The following LINGO2 variants were observed in gnomAD, a reference collection of about 807,000 sequenced individuals.
The protein encoded by LINGO2 is leucine rich repeat and Ig domain containing 2.
A neutral mutation model predicts 30.6 loss-of-function variants in LINGO2; 14 were observed. The ratio of observed to expected loss-of-function variants is 0.46; its 90% CI spans 0.30 to 0.72. LINGO2 has a LOEUF of 0.72. Ranked by LOEUF, LINGO2 falls within the 30% of genes least tolerant of loss-of-function variation. The pLI is 0.07. For synonymous variants in LINGO2, 317 were observed against 288.5 expected, an observed-to-expected ratio of 1.10 and a Z score of -1.00; for missense variants, 729 against 751.7, an observed-to-expected ratio of 0.97 and a Z score of 0.35.
At chr9:28,728,634 G>A in the LINGO2 span, among the ~76,000 whole-genome samples, 1 of 151,914 alleles carries the variant, frequency 6.6e-6, no homozygotes, top group Admixed American at 6.6e-5. Flanking sequence ...AAAACATACT[G>A]CTAATATCGC....
intron 3 of LINGO2, among the ~76,000 whole-genome samples, chr9:28,312,404 T>G (rs998778120): frequency 8.6e-5 from 13 of 151,846 alleles, no homozygotes; most frequent in African/African-American, 1.5e-4. Context: ...AAGAAAATGA[T>G]TAGTGGAAAT....
At chr9:28,238,462 G>A (rs4373615) in intron 4 of LINGO2, among the ~76,000 whole-genome samples, 11,126 of 152,066 alleles carry the variant, frequency 0.073, 488 homozygotes, top group South Asian at 0.16. Flanking sequence ...TGACCACAGC[G>A]GAATAAAACT....
At chr9:28,740,302 T>C in the LINGO2 span, among the ~76,000 whole-genome samples, 2 of 151,958 alleles carry the variant, frequency 1.3e-5, no homozygotes, top group East Asian at 1.9e-4. Flanking sequence ...TGTCTACTTA[T>C]TGATTTTCTG....
At chr9:28,486,346 T>A (rs1456475497) in intron 1 of LINGO2, among the ~76,000 whole-genome samples, 1 of 152,160 alleles carries the variant, frequency 6.6e-6, no homozygotes, top group Non-Finnish European at 1.5e-5. Flanking sequence ...TGGCAATTTG[T>A]GTGTTGCAAA....
chr9:28,149,996 C>T (rs1318254486), intron 4 of LINGO2, among the ~76,000 whole-genome samples: 1 of 148,514 alleles, frequency 6.7e-6, no homozygotes, highest in Non-Finnish European at 1.5e-5. Flanking sequence ...TTGCCGCTGT[C>T]CTGTCTGCGA....
At chr9:28,975,541 T>A in the LINGO2 span, among the ~76,000 whole-genome samples, 1 of 152,190 alleles carries the variant, frequency 6.6e-6, no homozygotes, top group African/African-American at 2.4e-5. Context: ...GCTTCCTACA[T>A]GCAAAAGTAG....
chr9:28,234,443 G>T (rs142170314), intron 4 of LINGO2, among the ~76,000 whole-genome samples: 1 of 152,312 alleles, frequency 6.6e-6, no homozygotes, highest in Non-Finnish European at 1.5e-5. Flanking sequence ...TATTGTTCTT[G>T]GGTGTGTCTG....
chr9:28,704,385 T>C, the LINGO2 span, among the ~76,000 whole-genome samples: 3 of 141,530 alleles, frequency 2.1e-5, no homozygotes, highest in Non-Finnish European at 4.6e-5. Flanking sequence ...AGGTGTAGTG[T>C]TTTTTATTGG....
chr9:28,473,311 A>G (rs1016331505), intron 2 of LINGO2, among the ~76,000 whole-genome samples: 28 of 152,044 alleles, frequency 1.8e-4, no homozygotes, highest in Non-Finnish European at 1.0e-4. Context: ...AATTAATGCA[A>G]TTCTTCTAGA....
chr9:28,729,989 T>C, the LINGO2 span, among the ~76,000 whole-genome samples: 1 of 152,060 alleles, frequency 6.6e-6, no homozygotes, highest in Non-Finnish European at 1.5e-5. Context: ...CAAAATGGAA[T>C]TGGATTTCTC....
chr9:28,319,638 T>C (rs936522651), intron 3 of LINGO2, among the ~76,000 whole-genome samples: 4 of 152,130 alleles, frequency 2.6e-5, no homozygotes, highest in African/African-American at 9.7e-5. Context: ...ATGATTCCTG[T>C]TATATGACAT....
intron 1 of LINGO2, among the ~76,000 whole-genome samples, chr9:28,512,203 T>C (rs57073944): frequency 5.4e-4 from 82 of 152,176 alleles, no homozygotes; most frequent in African/African-American, 1.9e-3. Context: ...AAGCACCCGG[T>C]TCACGGTAGG....
chr9:28,786,986 C>T, the LINGO2 span, among the ~76,000 whole-genome samples: 1 of 152,146 alleles, frequency 6.6e-6, no homozygotes, highest in African/African-American at 2.4e-5. Flanking sequence ...GCATGACTCT[C>T]ATCAAAATCA....
At chr9:29,011,641 G>A in the LINGO2 span, among the ~76,000 whole-genome samples, 1 of 152,064 alleles carries the variant, frequency 6.6e-6, no homozygotes, top group African/African-American at 2.4e-5. Context: ...AGTTTAATAG[G>A]TGGCCATGAC....
chr9:29,170,177 A>G, the LINGO2 span, among the ~76,000 whole-genome samples: 1 of 152,204 alleles, frequency 6.6e-6, no homozygotes, highest in Non-Finnish European at 1.5e-5. Flanking sequence ...CCTATTCACA[A>G]TAACAAAGTC....
chr9:28,498,071 C>T (rs749616655), intron 1 of LINGO2, among the ~76,000 whole-genome samples: 5 of 152,158 alleles, frequency 3.3e-5, no homozygotes, highest in Non-Finnish European at 5.9e-5. Context: ...TGCCCCTACT[C>T]GGGGGTGCCT....
chr9:28,712,935 C>T, the LINGO2 span, among the ~76,000 whole-genome samples: 7 of 151,886 alleles, frequency 4.6e-5, no homozygotes, highest in Non-Finnish European at 7.4e-5. Context: ...GCCTGATCTC[C>T]GCTCACTGCA....
the LINGO2 span, among the ~76,000 whole-genome samples, chr9:29,175,384 G>A: frequency 7.9e-5 from 12 of 152,042 alleles, no homozygotes; most frequent in East Asian, 1.9e-4. Flanking sequence ...ATTCTGTTGC[G>A]GTTTCACTGC....
rs139754353 is a variant in LINGO2 at position 27,974,499 on chromosome 9, T to C, written c.-35-23793A>G. On this transcript the variant is annotated intron_variant, in intron 5 of 5. Transcript: ENST00000379992. Reference sequence around the variant, plus strand: ...GTCACCAAAGGCCTGCAGGTACTCCTTGGATAATGGGGATTCCCTCGAAGA... The same window carrying C: ...GTCACCAAAGGCCTGCAGGTACTCCCTGGATAATGGGGATTCCCTCGAAGA... 6.8e-3 allele frequency among the ~76,000 whole-genome samples: 1,029 copies of C among 152,236 alleles called. 3 individuals are homozygous for C. Among genetic ancestry groups the C allele is most frequent in the Non-Finnish European group, 0.013 (862 of 68,002 alleles).
Sources: allele counts gnomAD v4.1 joint callset (sites outside exome capture counted in the v4.1 genomes callset), GRCh38; gene constraint gnomAD v4.1.1; transcripts MANE v1.5; gene names NCBI Gene and HGNC (gene_info 2026-07-23, HGNC 2026-07-21).